The following SLC38A8 variants were observed in gnomAD, a reference collection of about 807,000 sequenced individuals.
SLC38A8 encodes amino acid transporter SLC38A8.
SLC38A8 carries 65 observed loss-of-function variants against 46.0 expected under a neutral mutation model. That is an observed-to-expected ratio of 1.41 (90% confidence interval 1.16 to 1.74). SLC38A8 has a LOEUF of 1.74. Ranked by LOEUF, SLC38A8 falls within the 40% of genes most tolerant of loss-of-function variation. The probability of loss-of-function intolerance (pLI) is 0.00; values close to 1 mark genes in which losing one functional copy is unlikely to be tolerated. For missense variants in SLC38A8, 998 were observed against 567.9 expected (o/e 1.76, Z -7.70); for synonymous variants, 447 against 243.7 (o/e 1.83, Z -7.77).
rs186194668 is a variant in SLC38A8 at position 84,015,867 on chromosome 16, G to A, written c.1162+652C>T. 2.8e-3 allele frequency among the ~76,000 whole-genome samples: 430 copies of A among 152,294 alleles called. 2 individuals carry two copies. The highest frequency in any genetic ancestry group is 5.2e-3 in the Admixed American group (80 of 15,290). On this transcript the variant is annotated intron_variant, in intron 9 of 10. Transcript: ENST00000299709. ...ATTACAGGCATACACCACCATGGAT[G>A]GCTAATTTTGTATTTTTAGTAGGCT... is the stretch of plus-strand genomic sequence containing the variant.
In SLC38A8 at chr16:84,009,739, G is replaced by C. The variant is rs377035133; in HGVS notation, c.*45C>G. The C allele has an allele frequency of 6.4e-7, 1 of 1,560,162 alleles. No individual in the cohort carries two copies. The highest frequency in any genetic ancestry group is 8.8e-7 in the Non-Finnish European group (1 of 1,140,728). On this transcript the variant is annotated 3_prime_UTR_variant, in exon 11 of 11. Transcript: ENST00000299709. Reference sequence around the variant, plus strand: ...CTGGCTGCATACAGCAGCCACGTAGGGTCAGCCCCCGGAGGGCCCCTTCCT... The same window carrying C: ...CTGGCTGCATACAGCAGCCACGTAGCGTCAGCCCCCGGAGGGCCCCTTCCT...
intron 2 of SLC38A8, among the ~76,000 whole-genome samples, chr16:84,038,065 C>G (rs958115182): frequency 6.6e-6 from 1 of 152,088 alleles, no homozygotes; most frequent in African/African-American, 2.4e-5. Context: ...AATCCCAGCA[C>G]TTCGGGAGGC....
intron 5 of SLC38A8, among the ~76,000 whole-genome samples, chr16:84,031,225 G>C (rs1024431350): frequency 6.6e-6 from 1 of 152,010 alleles, no homozygotes; most frequent in African/African-American, 2.4e-5. Flanking sequence ...TTTTTATGTA[G>C]AGACAGGGTT....
intron 6 of SLC38A8, among the ~76,000 whole-genome samples, chr16:84,028,701 C>T (rs1324760628): frequency 2.6e-5 from 4 of 151,508 alleles, no homozygotes; most frequent in African/African-American, 4.9e-5. Flanking sequence ...CCCCCTGCCC[C>T]GCCACCTTCC....
intron 10 of SLC38A8, among the ~76,000 whole-genome samples, chr16:84,012,052 T>G (rs2084960731): frequency 6.6e-6 from 1 of 152,180 alleles, no homozygotes; most frequent in Non-Finnish European, 1.5e-5. Context: ...GCCAACACCT[T>G]GATTTCACAC....
At chr16:84,034,735 G>C (rs34837478) in intron 3 of SLC38A8, among the ~76,000 whole-genome samples, 33,919 of 151,944 alleles carry the variant, frequency 0.22, 4,111 homozygotes, top group South Asian at 0.28. Flanking sequence ...GGAGAGCCGA[G>C]ATGCCAAGGG....
intron 10 of SLC38A8, among the ~76,000 whole-genome samples, chr16:84,012,184 C>A (rs1227663421): frequency 6.6e-6 from 1 of 152,206 alleles, no homozygotes; most frequent in Non-Finnish European, 1.5e-5. Flanking sequence ...TCTTTACCTG[C>A]CTCAGCCTCA....
intron 10 of SLC38A8, 28 bp from the exon 11 acceptor site, chr16:84,009,905 G>A (rs374009687): frequency 6.2e-7 from 1 of 1,601,560 alleles, no homozygotes; most frequent in Non-Finnish European, 8.5e-7. Context: ...CCATGTCAGA[G>A]CTTTTCTGGA....
In SLC38A8 at chr16:84,042,176, G is replaced by T. The variant is rs761438012; in HGVS notation, c.-2-17C>A. ...CCTCCATGGCTAGAGGCGGCAGAGG[G>T]GTGGAGAGAAAGCACAGTCTTCACG... On this transcript the variant is annotated splice_polypyrimidine_tract_variant and intron_variant, in intron 1 of 10. Transcript: ENST00000299709. The T allele has an allele frequency of 6.3e-6, 10 of 1,596,172 alleles. No homozygotes were observed. The Admixed American group carries it at 7.1e-5, about 11-fold the overall frequency.
chr16:84,026,837 G>A (rs1478612244), intron 6 of SLC38A8, among the ~76,000 whole-genome samples: 1 of 152,172 alleles, frequency 6.6e-6, no homozygotes, highest in African/African-American at 2.4e-5. Context: ...GCCATCGTAG[G>A]CAAATCCAGA....
rs56802364 is a variant in SLC38A8, at chr16:84,033,418, G to A, written c.440C>T (p.Ala147Val). The change falls in exon 4 of 11, where the codon GCA becomes GTA. Residue 147 changes from alanine to valine, a missense_variant. Ala to Val is a moderately conservative substitution (Grantham distance 64, BLOSUM62 0). Coordinates refer to ENST00000299709, the MANE Select transcript of SLC38A8 (RefSeq NM_001080442.3). ...CAGGGGCAGGGTGAAGCGCTGGTCT[G>A]CGTACCACGGCTGCGGGGCGGGCGG... ...GTPPAPQPWY[A>V]DQRFTLPLLS... 94 of 1,613,020 alleles carry A rather than the reference G, an allele frequency of 5.8e-5. No homozygotes were observed. Among genetic ancestry groups the A allele is most frequent in the Non-Finnish European group, 7.4e-5 (87 of 1,179,610 alleles).
intron 2 of SLC38A8, among the ~76,000 whole-genome samples, chr16:84,038,874 G>C (rs949864947): frequency 5.9e-5 from 9 of 152,220 alleles, no homozygotes; most frequent in African/African-American, 1.9e-4. Context: ...GCCATTGTCT[G>C]AATAGATCAC....
At chr16:84,027,767 GA>G (rs1439993097) in intron 6 of SLC38A8, among the ~76,000 whole-genome samples, 1 of 152,226 alleles carries the variant, frequency 6.6e-6, no homozygotes, top group Non-Finnish European at 1.5e-5. Context: ...GTTGCTAGGA[GA>G]ATCCGGTGAG....
chr16:84,036,164 A>T (rs1331273280), intron 3 of SLC38A8, among the ~76,000 whole-genome samples: 1 of 152,260 alleles, frequency 6.6e-6, no homozygotes, highest in Admixed American at 6.5e-5. Context: ...ATTAAACACT[A>T]CAATTCTAAA....
At chr16:84,020,338 G>T (rs910226664) in intron 7 of SLC38A8, among the ~76,000 whole-genome samples, 1 of 152,106 alleles carries the variant, frequency 6.6e-6, no homozygotes, top group African/African-American at 2.4e-5. Context: ...TAGAGACAGG[G>T]TCTCACTACG....
intron 2 of SLC38A8, among the ~76,000 whole-genome samples, chr16:84,038,830 C>T (rs1418485794): frequency 3.3e-5 from 5 of 152,266 alleles, no homozygotes; most frequent in South Asian, 4.1e-4. Context: ...CCGTATCGGG[C>T]GCACAGGCAG....
At chr16:84,034,183 C>A (rs1028298589) in intron 3 of SLC38A8, among the ~76,000 whole-genome samples, 2 of 152,222 alleles carry the variant, frequency 1.3e-5, no homozygotes, top group African/African-American at 2.4e-5. Context: ...CAACTTCTTC[C>A]ATGGCAGCTG....
chr16:84,025,965 C>G (rs529969766), intron 6 of SLC38A8, among the ~76,000 whole-genome samples: 124 of 152,362 alleles, frequency 8.1e-4, no homozygotes, highest in Non-Finnish European at 1.1e-3. Context: ...TCACCCCACA[C>G]TCTCAGGTCA....
In SLC38A8 at chr16:84,009,734, C is replaced by G; in HGVS notation, c.*50G>C. On this transcript the variant is annotated 3_prime_UTR_variant, in exon 11 of 11. Transcript: ENST00000299709. ...GTCTCCTGGCTGCATACAGCAGCCA[C>G]GTAGGGTCAGCCCCCGGAGGGCCCC... 6.5e-7 allele frequency: 1 copy of G among 1,536,852 alleles called. No individual in the cohort carries two copies. The highest frequency in any genetic ancestry group is 8.9e-7 in the Non-Finnish European group (1 of 1,122,956).
Sources: allele counts gnomAD v4.1 joint callset (sites outside exome capture counted in the v4.1 genomes callset), GRCh38; gene constraint gnomAD v4.1.1; transcripts MANE v1.5; gene names NCBI Gene and HGNC (gene_info 2026-07-23, HGNC 2026-07-21).